Variants in CMIP observed in about 807,000 individuals in gnomAD.
CMIP encodes c-Maf inducing protein.
CMIP carries 13 observed loss-of-function variants against 97.3 expected under a neutral mutation model. The observed-to-expected ratio is 0.13, with a 90% confidence interval of 0.09 to 0.21. The LOEUF (loss-of-function observed/expected upper bound fraction) is 0.21. Among genes scored for constraint, CMIP ranks in the 10% least tolerant of loss-of-function variants. The probability of loss-of-function intolerance (pLI) is 1.00; values close to 1 mark genes in which losing one functional copy is unlikely to be tolerated. For synonymous variants in CMIP, 538 were observed against 436.3 expected, an observed-to-expected ratio of 1.23 and a Z score of -2.91; for missense variants, 847 against 1,024.9, an observed-to-expected ratio of 0.83 and a Z score of 2.37.
At chr16:81,657,949 T>C in intron 5 of CMIP, 133 bp downstream of exon 5, 1 of 709,250 alleles carries the variant, frequency 1.4e-6, no homozygotes. Context: ...TTGTCTTTTC[T>C]AGCAAGCCGG....
intron 2 of CMIP, chr16:81,610,649 C>A (rs772110429): frequency 1.3e-5 from 6 of 468,530 alleles, no homozygotes; most frequent in Non-Finnish European, 1.7e-5. Context: ...CTCATCCTCA[C>A]CCCCACACTC....
At chr16:81,673,984 T>A (rs1206256780) in intron 9 of CMIP, among the ~76,000 whole-genome samples, 1 of 152,086 alleles carries the variant, frequency 6.6e-6, no homozygotes, top group Non-Finnish European at 1.5e-5. Context: ...CAGGGGGGAT[T>A]TCTCAAACAA....
chr16:81,650,540 C>T (rs574394510), intron 3 of CMIP, among the ~76,000 whole-genome samples: 1 of 152,140 alleles, frequency 6.6e-6, no homozygotes, highest in Admixed American at 6.5e-5. Flanking sequence ...ACACCAGTGG[C>T]AATGAGTATA....
intron 3 of CMIP, among the ~76,000 whole-genome samples, chr16:81,640,825 G>C (rs755643936): frequency 6.6e-6 from 1 of 151,052 alleles, no homozygotes; most frequent in African/African-American, 2.4e-5. Flanking sequence ...CTGGATTTAG[G>C]GCCAACTCTA....
At chr16:81,673,957 G>C (rs960233242) in intron 9 of CMIP, among the ~76,000 whole-genome samples, 4 of 152,204 alleles carry the variant, frequency 2.6e-5, no homozygotes, top group African/African-American at 9.7e-5. Flanking sequence ...AGCATTCTGA[G>C]TCGCTGAAAA....
chr16:81,576,752 G>A (rs565238502), intron 1 of CMIP, among the ~76,000 whole-genome samples: 80 of 152,270 alleles, frequency 5.3e-4, no homozygotes, highest in African/African-American at 1.9e-3. Flanking sequence ...GGCAGATCCA[G>A]GTGTGAGTCC....
intron 9 of CMIP, among the ~76,000 whole-genome samples, chr16:81,672,376 G>A (rs1426334032): frequency 1.3e-5 from 2 of 151,632 alleles, no homozygotes; most frequent in Non-Finnish European, 2.9e-5. Context: ...TGACACACTG[G>A]TGTGTGTGTG....
chr16:81,587,419 G>A (rs76626603), intron 1 of CMIP, among the ~76,000 whole-genome samples: 2 of 152,180 alleles, frequency 1.3e-5, no homozygotes, highest in African/African-American at 4.8e-5. Context: ...ATATGTACTC[G>A]GGGGCCTGTG....
At chr16:81,592,112 C>T (rs1277710351) in intron 1 of CMIP, among the ~76,000 whole-genome samples, 3 of 152,186 alleles carry the variant, frequency 2.0e-5, no homozygotes, top group African/African-American at 7.2e-5. Flanking sequence ...GCATGAGCCA[C>T]TGCGCCTGGC....
At chr16:81,560,349 G>C (rs1268139259) in intron 1 of CMIP, among the ~76,000 whole-genome samples, 4 of 151,394 alleles carry the variant, frequency 2.6e-5, no homozygotes, top group African/African-American at 9.7e-5. Flanking sequence ...CTCCCCAGTA[G>C]CTGGGACTAC....
chr16:81,504,677 G>GAAAAT (rs2089675354), intron 1 of CMIP, among the ~76,000 whole-genome samples: 5 of 127,040 alleles, frequency 3.9e-5, no homozygotes, highest in Non-Finnish European at 6.8e-5. Flanking sequence ...GAAAAGAAAA[G>GAAAAT]AAAAAATGGC....
Position 81,621,027 on chromosome 16 carries a change from C to T in CMIP, c.477+101C>T, listed in dbSNP as rs1777017232. 1 of 1,455,496 alleles carries T rather than the reference C, an allele frequency of 6.9e-7. No individual in the cohort carries two copies. The highest frequency in any genetic ancestry group is 1.8e-5 in the Admixed American group (1 of 54,554). The allele number at this position is 1,455,496 out of a possible 1,614,324, so 90.2% of individuals were successfully genotyped here. On this transcript the variant is annotated intron_variant, in intron 3 of 20. Transcript: ENST00000537098. This position sits in a 1 kb window ranked among gnomAD's most constrained non-coding sequence, Gnocchi z 4.1. ...GAGGCATGAAAGTGGAGAACTCATG[C>T]CTTCCAGATGGCTCAGCTGAGGAAC...
chr16:81,557,341 AATTTACTGATGTTGGTTG>A (rs2090784774), intron 1 of CMIP, among the ~76,000 whole-genome samples: 1 of 138,124 alleles, frequency 7.2e-6, no homozygotes, highest in Admixed American at 6.9e-5. Context: ...ATGTTGGTTG[AATTTACTGATGTTGGTTG>A]AATTCACTCA....
intron 1 of CMIP, among the ~76,000 whole-genome samples, chr16:81,551,300 C>T (rs1343370773): frequency 6.6e-6 from 1 of 152,234 alleles, no homozygotes; most frequent in African/African-American, 2.4e-5. Flanking sequence ...CATGGGCAAC[C>T]AAAAGCCAGG....
At chr16:81,654,468 A>G (rs1261361279) in intron 4 of CMIP, among the ~76,000 whole-genome samples, 1 of 152,212 alleles carries the variant, frequency 6.6e-6, no homozygotes, top group Non-Finnish European at 1.5e-5. Flanking sequence ...AAGATATTTA[A>G]AGTAGGAAAA....
Position 81,691,840 on chromosome 16 carries a change from A to G in CMIP, c.1454A>G (p.Glu485Gly), listed in dbSNP as rs773246533. Residue 485 changes from glutamate to glycine, a missense_variant and splice_region_variant, in exon 11 of 21, where the codon GAA (glutamate) becomes GGA (glycine). Coordinates refer to ENST00000537098, the MANE Select transcript of CMIP (RefSeq NM_198390.3). Reference sequence around the variant, plus strand: ...CTTCAACCCATTCCATTCCCCAAAGAGTAAGTCCCGTGTGCATCCCCGGAG... The same window carrying G: ...CTTCAACCCATTCCATTCCCCAAAGGGTAAGTCCCGTGTGCATCCCCGGAG... Reference protein sequence around the residue: ...SLLQPIPFPKEALAHEKFTKE... With the variant: ...SLLQPIPFPKGALAHEKFTKE... The G allele has an allele frequency of 6.2e-7, 1 of 1,613,398 alleles. No individual in the cohort carries two copies. The highest frequency in any genetic ancestry group is 8.5e-7 in the Non-Finnish European group (1 of 1,179,418).
intron 7 of CMIP, among the ~76,000 whole-genome samples, chr16:81,667,741 CAGGAGGGA>C (rs2151031231): frequency 7.5e-6 from 1 of 132,500 alleles, no homozygotes; most frequent in East Asian, 2.4e-4. Flanking sequence ...TTTTCTAACC[CAGGAGGGA>C]GGGAGGGAGG....
chr16:81,520,569 G>GGGGGGAGAGAGAGAGA (rs370420453), intron 1 of CMIP: 1 of 107,002 alleles, frequency 9.3e-6, no homozygotes, highest in Non-Finnish European at 1.8e-5. Flanking sequence ...GGAGGAAGGG[G>GGGGGGAGAGAGAGAGA]GAGAGAGAGA....
At chr16:81,532,539 C>T (rs1197853015) in intron 1 of CMIP, among the ~76,000 whole-genome samples, 1 of 152,156 alleles carries the variant, frequency 6.6e-6, no homozygotes, top group South Asian at 2.1e-4. Context: ...CGCTGTTGCC[C>T]TCGCTCAGTC....
Sources: allele counts gnomAD v4.1 joint callset (sites outside exome capture counted in the v4.1 genomes callset), GRCh38; gene constraint gnomAD v4.1.1; non-coding constraint Gnocchi (gnomAD v3.1); transcripts MANE v1.5; gene names NCBI Gene and HGNC (gene_info 2026-07-23, HGNC 2026-07-21).